DPP6: variants seen among roughly 807,000 people sequenced by gnomAD.
The protein encoded by DPP6 is A-type potassium channel modulatory protein DPP6.
DPP6 carries 69 observed loss-of-function variants against 122.6 expected under a neutral mutation model. That is an observed-to-expected ratio of 0.56 (90% CI 0.46 to 0.69). The LOEUF (loss-of-function observed/expected upper bound fraction) is 0.69, where lower values mean the gene tolerates loss of function less well. DPP6 is among the 30% of genes least tolerant of loss of function. The pLI is 0.00. For missense variants in DPP6, 928 were observed against 1,116.9 expected (o/e 0.83, Z 2.41); for synonymous variants, 418 against 433.1 (o/e 0.97, Z 0.43).
chr7:154,443,658 A>G (rs1202176677), intron 1 of DPP6, among the ~76,000 whole-genome samples: 2 of 124,038 alleles, frequency 1.6e-5, no homozygotes, highest in East Asian at 4.8e-4. Flanking sequence ...ATGTGGATGA[A>G]TAGATGGATG....
At chr7:154,417,651 C>T (rs1212199795) in intron 1 of DPP6, among the ~76,000 whole-genome samples, 6 of 152,158 alleles carry the variant, frequency 3.9e-5, no homozygotes, top group South Asian at 2.1e-4. Context: ...TCTCTCAAGT[C>T]GGACAGTTCA....
chr7:153,975,949 A>G (rs1223756023), intron 1 of DPP6, among the ~76,000 whole-genome samples: 2 of 152,242 alleles, frequency 1.3e-5, no homozygotes, highest in Non-Finnish European at 2.9e-5. Flanking sequence ...TATTACAATT[A>G]AATGAGTGGC....
intron 1 of DPP6, among the ~76,000 whole-genome samples, chr7:154,429,689 G>A (rs1170314370): frequency 2.6e-5 from 4 of 152,116 alleles, no homozygotes; most frequent in Admixed American, 6.5e-5. Flanking sequence ...TGCCCGCCTC[G>A]GAATGGCTAC....
At chr7:154,535,076 T>C (rs1029134410) in intron 3 of DPP6, among the ~76,000 whole-genome samples, 4 of 143,742 alleles carry the variant, frequency 2.8e-5, no homozygotes, top group Non-Finnish European at 6.0e-5. Context: ...ACATTTTCAA[T>C]TCATTTTTGA....
At chr7:153,886,711 G>A (rs1305451800), upstream of DPP6, among the ~76,000 whole-genome samples, 1 of 152,164 alleles carries the variant, frequency 6.6e-6, no homozygotes, top group Non-Finnish European at 1.5e-5. Context: ...GTGCAACCAT[G>A]GAGACGCGAC....
At chr7:154,514,003 G>A (rs560565580) in intron 3 of DPP6, among the ~76,000 whole-genome samples, 5 of 152,156 alleles carry the variant, frequency 3.3e-5, no homozygotes, top group African/African-American at 7.2e-5. Flanking sequence ...GGCTGGGCAC[G>A]GTGGCTTATG....
chr7:153,875,797 G>T, the DPP6 span, among the ~76,000 whole-genome samples: 1 of 151,872 alleles, frequency 6.6e-6, no homozygotes, highest in Admixed American at 6.6e-5. Flanking sequence ...TGATTGGAAT[G>T]CCAATGTGTC....
intron 1 of DPP6, among the ~76,000 whole-genome samples, chr7:154,352,964 C>T (rs1563531132): frequency 6.6e-6 from 1 of 152,212 alleles, no homozygotes; most frequent in African/African-American, 2.4e-5. Flanking sequence ...TGCCTCCACA[C>T]ATTTTGTTTT....
chr7:153,828,941 AGAATATTT>A, the DPP6 span, among the ~76,000 whole-genome samples: 2 of 152,246 alleles, frequency 1.3e-5, no homozygotes, highest in Non-Finnish European at 2.9e-5. Flanking sequence ...CAAGGTACAT[AGAATATTT>A]GAATATATTT....
the DPP6 span, among the ~76,000 whole-genome samples, chr7:153,809,522 C>T: frequency 3.9e-5 from 6 of 152,158 alleles, no homozygotes; most frequent in South Asian, 2.1e-4. Context: ...GTAACACTTC[C>T]GTAATTCCTC....
chr7:154,315,300 G>T (rs1456063288), intron 1 of DPP6, among the ~76,000 whole-genome samples: 1 of 152,204 alleles, frequency 6.6e-6, no homozygotes, highest in Non-Finnish European at 1.5e-5. Context: ...CACATTGGGG[G>T]TTTGGCCCAG....
upstream of DPP6, among the ~76,000 whole-genome samples, chr7:153,883,605 C>A (rs1289495432): frequency 6.6e-6 from 1 of 152,186 alleles, no homozygotes. Flanking sequence ...GTCTTGAACT[C>A]CTGACCTCAG....
chr7:154,235,741 TGTGAGC>T (rs1192631828), intron 1 of DPP6, among the ~76,000 whole-genome samples: 1 of 152,228 alleles, frequency 6.6e-6, no homozygotes. Flanking sequence ...TAATTAAAAG[TGTGAGC>T]TTTGAATTTA....
intron 1 of DPP6, among the ~76,000 whole-genome samples, chr7:154,034,047 G>A (rs1184947608): frequency 6.6e-6 from 1 of 152,164 alleles, no homozygotes; most frequent in African/African-American, 2.4e-5. Context: ...TGAACGACGT[G>A]AATGCCACTA....
chr7:153,934,999 C>T (rs1801362341), intron 1 of DPP6, among the ~76,000 whole-genome samples: 1 of 152,234 alleles, frequency 6.6e-6, no homozygotes, highest in Admixed American at 6.5e-5. Flanking sequence ...GGGTGCCATC[C>T]TGGCTGGAGG....
intron 1 of DPP6, among the ~76,000 whole-genome samples, chr7:154,306,851 G>A (rs1231661699): frequency 3.3e-5 from 5 of 152,160 alleles, no homozygotes; most frequent in Non-Finnish European, 7.4e-5. Flanking sequence ...GTTCAAAACA[G>A]ACAAACCAAA....
intron 1 of DPP6, among the ~76,000 whole-genome samples, chr7:154,221,074 C>A (rs1306792286): frequency 6.6e-6 from 1 of 152,096 alleles, no homozygotes; most frequent in African/African-American, 2.4e-5. Context: ...TGTATTAGGC[C>A]TCACCCTCGT....
At chr7:154,301,202 G>A (rs1340872157) in intron 1 of DPP6, among the ~76,000 whole-genome samples, 9 of 152,142 alleles carry the variant, frequency 5.9e-5, no homozygotes, top group African/African-American at 9.7e-5. Flanking sequence ...CACTTCCACC[G>A]CTGCAGGTAG....
At chr7:153,935,968 A>G (rs1801417631) in intron 1 of DPP6, among the ~76,000 whole-genome samples, 1 of 152,200 alleles carries the variant, frequency 6.6e-6, no homozygotes, top group Non-Finnish European at 1.5e-5. Flanking sequence ...GCATGTGATG[A>G]TCTAATCAGC....
Sources: gnomAD v4.1 joint callset for allele counts (sites outside exome capture counted in the v4.1 genomes callset) on GRCh38, gnomAD v4.1.1 for gene constraint, MANE v1.5 for transcripts, NCBI Gene and HGNC (gene_info 2026-07-23, HGNC 2026-07-21) for gene names.